The following PLXDC2 variants were observed in gnomAD, a reference collection of about 807,000 sequenced individuals.
PLXDC2 encodes plexin domain containing 2, also known as plexin domain-containing protein 2.
Under a neutral mutation model 68.9 loss-of-function variants are expected in PLXDC2, and 40 were observed. The ratio of observed to expected loss-of-function variants is 0.58; its 90% CI spans 0.45 to 0.76. The LOEUF is 0.76. Ranked by LOEUF, PLXDC2 falls within the 30% of genes least tolerant of loss-of-function variation. The pLI is 0.00. For synonymous variants in PLXDC2, 243 were observed against 234.2 expected (o/e 1.04, Z -0.34); for missense variants, 644 against 661.9 (o/e 0.97, Z 0.30).
intron 1 of PLXDC2, among the ~76,000 whole-genome samples, chr10:19,993,637 T>C (rs10827922): frequency 0.6 from 90,724 of 151,994 alleles, 28,317 homozygotes; most frequent in Non-Finnish European, 0.68. Context: ...CTAGGCTGGT[T>C]TCAAACTCCT....
chr10:20,046,514 T>C (rs1435851235), intron 2 of PLXDC2, among the ~76,000 whole-genome samples: 1 of 152,154 alleles, frequency 6.6e-6, no homozygotes, highest in East Asian at 1.9e-4. Context: ...ATTACATATA[T>C]ATCTCGATTG....
chr10:19,913,294 C>A (rs1295419715), intron 1 of PLXDC2, among the ~76,000 whole-genome samples: 1 of 151,974 alleles, frequency 6.6e-6, no homozygotes, highest in South Asian at 2.1e-4. Context: ...GTGTGTAGCA[C>A]CTCCCCTTTC....
At chr10:20,052,579 T>A in intron 3 of PLXDC2, among the ~76,000 whole-genome samples, 1 of 151,958 alleles carries the variant, frequency 6.6e-6, no homozygotes, top group Admixed American at 6.6e-5. Context: ...CTTGTTCTCG[T>A]TGACATGAAA....
chr10:20,124,918 G>T (rs1357913338), intron 4 of PLXDC2, among the ~76,000 whole-genome samples: 1 of 152,116 alleles, frequency 6.6e-6, no homozygotes, highest in Middle Eastern at 3.2e-3. Flanking sequence ...GCTCAGCTTG[G>T]GCTCAGAGGC....
At chr10:20,216,293 A>G (rs1424717331) in intron 10 of PLXDC2, among the ~76,000 whole-genome samples, 1 of 152,164 alleles carries the variant, frequency 6.6e-6, no homozygotes, top group Non-Finnish European at 1.5e-5. Context: ...AACTGAGCTT[A>G]TGATTTCAGA....
intron 6 of PLXDC2, among the ~76,000 whole-genome samples, chr10:20,152,560 T>C: frequency 6.6e-6 from 1 of 152,172 alleles, no homozygotes; most frequent in East Asian, 1.9e-4. Context: ...TTAAAGTTCT[T>C]TTTCTCAAAT....
chr10:20,188,935 G>A (rs1834721844), intron 9 of PLXDC2, among the ~76,000 whole-genome samples: 1 of 151,492 alleles, frequency 6.6e-6, no homozygotes, highest in South Asian at 2.1e-4. Context: ...TAAGATGGTT[G>A]TTTTTAGCTT....
intron 5 of PLXDC2, among the ~76,000 whole-genome samples, chr10:20,147,148 T>A (rs1003310524): frequency 3.9e-5 from 6 of 152,162 alleles, no homozygotes; most frequent in African/African-American, 1.4e-4. Context: ...ATTCAGAATA[T>A]AATATACAGC....
chr10:20,081,808 A>G (rs1204036934), intron 4 of PLXDC2, among the ~76,000 whole-genome samples: 1 of 152,068 alleles, frequency 6.6e-6, no homozygotes, highest in East Asian at 1.9e-4. Context: ...TGGGAGGTGA[A>G]GGTGGGCGGA....
chr10:20,046,371 T>A (rs76246548), intron 2 of PLXDC2, among the ~76,000 whole-genome samples: 2,696 of 152,172 alleles, frequency 0.018, 78 homozygotes, highest in African/African-American at 0.061. Context: ...AAATATATAT[T>A]GAAATTTTTA....
At chr10:20,112,235 A>G (rs1833568974) in intron 4 of PLXDC2, among the ~76,000 whole-genome samples, 1 of 151,904 alleles carries the variant, frequency 6.6e-6, no homozygotes, top group Non-Finnish European at 1.5e-5. Context: ...TATGATATTT[A>G]GTTATGGTAG....
intron 1 of PLXDC2, among the ~76,000 whole-genome samples, chr10:19,828,454 A>C (rs961357918): frequency 6.6e-6 from 1 of 152,242 alleles, no homozygotes; most frequent in African/African-American, 2.4e-5. Context: ...AGCTCAGCAC[A>C]GTCCATGACT....
At chr10:20,002,676 T>C (rs11593089) in intron 2 of PLXDC2, among the ~76,000 whole-genome samples, 35,138 of 151,982 alleles carry the variant, frequency 0.23, 4,862 homozygotes, top group Non-Finnish European at 0.33. Flanking sequence ...CTGCTTGGGA[T>C]TGAGAGTTGG....
chr10:19,994,228 TTTCATAGG>T (rs1162136288), intron 1 of PLXDC2, among the ~76,000 whole-genome samples: 4 of 148,422 alleles, frequency 2.7e-5, no homozygotes, highest in Non-Finnish European at 5.9e-5. Context: ...AAAGAGAAGC[TTTCATAGG>T]TTCCCATTGT....
intron 1 of PLXDC2, among the ~76,000 whole-genome samples, chr10:19,968,443 G>A (rs185956028): frequency 5.8e-4 from 88 of 152,196 alleles, no homozygotes; most frequent in Non-Finnish European, 2.1e-4. Context: ...CTCCTGAGTC[G>A]CTGGGACTAC....
chr10:20,245,401 A>T lies in PLXDC2; in HGVS notation c.1369A>T (p.Ile457Phe). The T allele has an allele frequency of 6.2e-7, 1 of 1,614,076 alleles. No individual in the cohort carries two copies. Among genetic ancestry groups the T allele is most frequent in the South Asian group, 1.1e-5 (1 of 91,080 alleles). Residue 457 changes from isoleucine to phenylalanine, a missense_variant, in exon 13 of 14, where the codon ATC becomes TTC. Physicochemically the swap from Ile to Phe is conservative, Grantham distance 21. Coordinates refer to ENST00000377252, the MANE Select transcript of PLXDC2 (RefSeq NM_032812.9). ...AGGGGGAACCCTCCACGCTGGCCTCATCATTGGAATCCTCATCCTGGTCCT... is the reference window on the plus strand; with the variant it reads ...AGGGGGAACCCTCCACGCTGGCCTCTTCATTGGAATCCTCATCCTGGTCCT... The part of the protein sequence containing the change: ...KKGGTLHAGL[I>F]IGILILVLIV...
chr10:20,202,387 C>A (rs1449937178), intron 9 of PLXDC2, among the ~76,000 whole-genome samples: 1 of 152,142 alleles, frequency 6.6e-6, no homozygotes, highest in Non-Finnish European at 1.5e-5. Flanking sequence ...GCATTTCCAT[C>A]CACCTGATGC....
intron 3 of PLXDC2, among the ~76,000 whole-genome samples, chr10:20,065,530 A>G (rs1456995087): frequency 6.6e-6 from 1 of 152,186 alleles, no homozygotes; most frequent in African/African-American, 2.4e-5. Context: ...ATTCAGGCAC[A>G]TTGCATTTAT....
At chr10:20,188,735 AAAAG>A (rs1239582201) in intron 9 of PLXDC2, among the ~76,000 whole-genome samples, 1 of 151,844 alleles carries the variant, frequency 6.6e-6, no homozygotes, top group Non-Finnish European at 1.5e-5. Flanking sequence ...TGAGCCTGAT[AAAAG>A]AAAGTAAGAA....
Sources: gnomAD v4.1 joint callset for allele counts (sites outside exome capture counted in the v4.1 genomes callset) on GRCh38, gnomAD v4.1.1 for gene constraint, MANE v1.5 for transcripts, NCBI Gene and HGNC (gene_info 2026-07-23, HGNC 2026-07-21) for gene names.